Variants in ADAM23 observed in about 807,000 individuals in gnomAD.
ADAM23 encodes ADAM metallopeptidase domain 23, also known as disintegrin and metalloproteinase domain-containing protein 23.
ADAM23 carries 33 observed loss-of-function variants against 120.1 expected under a neutral mutation model. The observed-to-expected ratio is 0.27, with a 90% confidence interval of 0.21 to 0.37. The LOEUF (loss-of-function observed/expected upper bound fraction) is 0.37. ADAM23 is among the 10% of genes least tolerant of loss of function. The pLI, the probability that ADAM23 is intolerant of heterozygous loss-of-function variation, is 1.00. For synonymous variants in ADAM23, 367 were observed against 375.2 expected, an observed-to-expected ratio of 0.98 and a Z score of 0.25; for missense variants, 862 against 1,058.2, an observed-to-expected ratio of 0.81 and a Z score of 2.57.
chr2:206,474,379 A>C (rs1186205345), intron 2 of ADAM23, among the ~76,000 whole-genome samples: 2 of 152,154 alleles, frequency 1.3e-5, no homozygotes, highest in Non-Finnish European at 1.5e-5. Flanking sequence ...AAAATTTGCA[A>C]ATTTTGCTGA....
chr2:206,481,187 G>A, intron 2 of ADAM23, 45 bp from the exon 3 acceptor site: 1 of 1,472,478 alleles, frequency 6.8e-7, no homozygotes, highest in South Asian at 1.2e-5. Context: ...CTGTCTTAAA[G>A]ACAGGAAAGT....
intron 2 of ADAM23, among the ~76,000 whole-genome samples, chr2:206,457,823 A>C (rs1695329784): frequency 1.3e-5 from 2 of 152,244 alleles, no homozygotes; most frequent in South Asian, 4.1e-4. Context: ...CTAATACAGA[A>C]GTATGCTGCT....
chr2:206,575,960 G>C (rs929142754), intron 18 of ADAM23, among the ~76,000 whole-genome samples: 2 of 151,614 alleles, frequency 1.3e-5, no homozygotes, highest in Non-Finnish European at 2.9e-5. Flanking sequence ...GAGAAAGAAG[G>C]GTTCCTAAGT....
intron 3 of ADAM23, among the ~76,000 whole-genome samples, 166 bp downstream of exon 3, chr2:206,481,474 T>C (rs555950358): frequency 3.3e-5 from 5 of 152,346 alleles, no homozygotes; most frequent in South Asian, 2.1e-4. Context: ...TATATTTTTT[T>C]CCGAAATAAA....
At chr2:206,584,950 C>G (rs1426771589) in intron 18 of ADAM23, among the ~76,000 whole-genome samples, 1 of 152,154 alleles carries the variant, frequency 6.6e-6, no homozygotes, top group Non-Finnish European at 1.5e-5. Flanking sequence ...TGGCTTGGCT[C>G]TCTAGCTTGA....
At chr2:206,540,504 T>G (rs1197320126) in intron 4 of ADAM23, among the ~76,000 whole-genome samples, 15 of 152,002 alleles carry the variant, frequency 9.9e-5, no homozygotes, top group Admixed American at 9.8e-4. Context: ...ATAACCCACC[T>G]AAATAACAGT....
chr2:206,465,504 T>G (rs2105863615), intron 2 of ADAM23, among the ~76,000 whole-genome samples: 1 of 152,336 alleles, frequency 6.6e-6, no homozygotes, highest in Admixed American at 6.5e-5. Flanking sequence ...ATTATAGTCC[T>G]CTACTTTTGG....
At chr2:206,456,915 A>G (rs1197658328) in intron 2 of ADAM23, among the ~76,000 whole-genome samples, 1 of 152,162 alleles carries the variant, frequency 6.6e-6, no homozygotes, top group Non-Finnish European at 1.5e-5. Flanking sequence ...TGGTTATTTA[A>G]TAATTTACTG....
intron 2 of ADAM23, among the ~76,000 whole-genome samples, chr2:206,451,912 C>T (rs1202585029): frequency 6.6e-6 from 1 of 152,182 alleles, no homozygotes; most frequent in African/African-American, 2.4e-5. Flanking sequence ...AGCTTTACTT[C>T]TAGTAGGAAG....
chr2:206,580,546 C>T (rs1025418321), intron 18 of ADAM23, among the ~76,000 whole-genome samples: 15 of 152,254 alleles, frequency 9.9e-5, no homozygotes, highest in South Asian at 8.3e-4. Context: ...TTAAACCATT[C>T]CTGCATCCCT....
intron 6 of ADAM23, among the ~76,000 whole-genome samples, 194 bp downstream of exon 6, chr2:206,543,510 A>G (rs1697334850): frequency 6.6e-6 from 1 of 152,178 alleles, no homozygotes; most frequent in South Asian, 2.1e-4. Context: ...AAGGATAGTA[A>G]AAGACATCAA....
At chr2:206,600,126 T>C (rs542528370) in intron 24 of ADAM23, among the ~76,000 whole-genome samples, 15 of 152,196 alleles carry the variant, frequency 9.9e-5, no homozygotes, top group African/African-American at 2.6e-4. Flanking sequence ...GGCGTGAACC[T>C]GGGAGGCAGA....
At chr2:206,611,912 G>T (rs900439451) in intron 25 of ADAM23, among the ~76,000 whole-genome samples, 1 of 152,188 alleles carries the variant, frequency 6.6e-6, no homozygotes, top group Non-Finnish European at 1.5e-5. Flanking sequence ...ATGAGAAACA[G>T]CCTTTGCTGA....
chr2:206,561,134 G>A lies in ADAM23; in HGVS notation c.1176G>A (p.Val392=). 1 of 1,613,972 alleles carries A rather than the reference G, an allele frequency of 6.2e-7. No individual in the cohort carries two copies. The highest frequency in any genetic ancestry group is 1.7e-5 in the Admixed American group (1 of 60,024). Residue 392 remains valine (V), a synonymous_variant, in exon 12 of 26, where the codon GTG becomes GTA. Transcript: ENST00000264377. ...HADAVHLISR[V]TFHYKRSSLS... ...AGCACTGCTTTTTCTTAAGGCGGGTGACATTTCACTATAAGAGAAGCAGTC... is the reference window on the plus strand; with the variant it reads ...AGCACTGCTTTTTCTTAAGGCGGGTAACATTTCACTATAAGAGAAGCAGTC...
Position 206,530,564 on chromosome 2 carries a change from C to T in ADAM23, c.510-321C>T, listed in dbSNP as rs567685276. On this transcript the variant is annotated intron_variant, in intron 3 of 25. Transcript: ENST00000264377. ...CCGGGAGGCGGAGCTTGCAGTGAGC[C>T]GAGATCGCACTACTGCACTCCAGCC... 6.0e-5 allele frequency among the ~76,000 whole-genome samples: 9 copies of T among 149,434 alleles called. No homozygotes were observed. The South Asian group carries it at 1.3e-3, about 21-fold the overall frequency.
chr2:206,445,259 T>G (rs1240868444), intron 1 of ADAM23, 48 bp from the exon 2 acceptor site: 3 of 1,335,724 alleles, frequency 2.2e-6, no homozygotes. Context: ...ATGTGTGTGT[T>G]TGTGTATGTT....
chr2:206,598,241 C>T (rs1698567279), intron 24 of ADAM23, among the ~76,000 whole-genome samples: 1 of 151,972 alleles, frequency 6.6e-6, no homozygotes, highest in Non-Finnish European at 1.5e-5. Context: ...ATGCTATTTC[C>T]TCAAGTGATG....
rs765390128 is a variant in ADAM23, at chr2:206,565,063, A to C, written c.1389A>C (p.Glu463Asp). 6.2e-7 allele frequency: 1 copy of C among 1,614,056 alleles called. No homozygotes were observed. Among genetic ancestry groups the C allele is most frequent in the East Asian group, 2.2e-5 (1 of 44,856 alleles). ...TESWGGCIMEETGVSHSRKFS... is the reference protein window; with the variant it reads ...TESWGGCIMEDTGVSHSRKFS... The stretch of plus-strand genomic sequence containing the variant: ...CCTGGGGTGGCTGCATCATGGAGGA[A>C]ACAGGGTAAATTTTCATTATGCGTG... The change falls in exon 14 of 26, where the codon GAA becomes GAC. Residue 463 changes from glutamate (E) to aspartate (D), a missense_variant. Physicochemically the swap from Glu to Asp is conservative, Grantham distance 45. Transcript: ENST00000264377.
intron 2 of ADAM23, among the ~76,000 whole-genome samples, chr2:206,466,407 G>T (rs1695542747): frequency 6.6e-6 from 1 of 152,092 alleles, no homozygotes; most frequent in Non-Finnish European, 1.5e-5. Flanking sequence ...TAAAAATGTT[G>T]ATTTTAAAAC....
Sources: gnomAD v4.1 joint callset for allele counts (sites outside exome capture counted in the v4.1 genomes callset) on GRCh38, gnomAD v4.1.1 for gene constraint, MANE v1.5 for transcripts, NCBI Gene and HGNC (gene_info 2026-07-23, HGNC 2026-07-21) for gene names.